ARHGAP6: variants seen among roughly 807,000 people sequenced by gnomAD.
ARHGAP6 encodes the protein rho GTPase-activating protein 6.
In ARHGAP6, 16 loss-of-function variants were observed where a neutral mutation model predicts 55.7. That is an observed-to-expected ratio of 0.29 (90% CI 0.19 to 0.44). ARHGAP6 has a LOEUF of 0.44. Among genes scored for constraint, ARHGAP6 ranks in the 20% least tolerant of loss-of-function variants. The probability of loss-of-function intolerance (pLI) is 1.00; values close to 1 mark genes in which losing one functional copy is unlikely to be tolerated. For missense variants in ARHGAP6, 698 were observed against 808.9 expected (o/e 0.86, Z 1.66); for synonymous variants, 382 against 360.9 (o/e 1.06, Z -0.66).
rs189326943 is a variant in ARHGAP6 at position 11,606,781 on chromosome X, C to A, written c.588+57460G>T. ...GTTTAGACATTGTTTAATTTAGGTA[C>A]CACTTTCACTTTTGAATGAAACCTA... On this transcript the variant is annotated intron_variant, in intron 1 of 12. Coordinates refer to ENST00000337414, the MANE Select transcript of ARHGAP6 (RefSeq NM_013427.3). Among the ~76,000 whole-genome samples, 306 of 111,620 alleles carry A rather than the reference C, an allele frequency of 2.7e-3. 2 individuals are homozygous for A. Among genetic ancestry groups the A allele is most frequent in the African/African-American group, 9.6e-3 (294 of 30,755 alleles).
chrX:11,579,019 G>A (rs966657029), intron 1 of ARHGAP6, among the ~76,000 whole-genome samples: 10 of 98,930 alleles, frequency 1.0e-4, no homozygotes, highest in South Asian at 5.2e-4. Flanking sequence ...ATCACACACC[G>A]GGGCCTGTCG....
At chrX:11,195,458 G>C (rs2046519682) in intron 3 of ARHGAP6, among the ~76,000 whole-genome samples, 1 of 111,228 alleles carries the variant, frequency 9.0e-6, no homozygotes, top group East Asian at 2.8e-4. Context: ...CTCAGAGAGT[G>C]GCTAAAGTTT....
intron 1 of ARHGAP6, among the ~76,000 whole-genome samples, chrX:11,292,364 A>G (rs1385810263): frequency 1.8e-5 from 2 of 111,886 alleles, no homozygotes; most frequent in African/African-American, 3.3e-5. Flanking sequence ...TGTTATACCA[A>G]GGTAGAGGGG....
chrX:11,216,915 T>A (rs1335892149), intron 2 of ARHGAP6, among the ~76,000 whole-genome samples: 1 of 110,159 alleles, frequency 9.1e-6, no homozygotes, highest in African/African-American at 3.3e-5. Flanking sequence ...CCTCCCTGTG[T>A]CCATGTGCTC....
chrX:11,259,335 G>C (rs1213974517), intron 1 of ARHGAP6, among the ~76,000 whole-genome samples: 1 of 111,823 alleles, frequency 8.9e-6, no homozygotes, highest in Admixed American at 9.5e-5. Flanking sequence ...CTTTTTTATG[G>C]CTGAATAATA....
chrX:11,584,095 T>A (rs950700510), intron 1 of ARHGAP6, among the ~76,000 whole-genome samples: 4 of 112,215 alleles, frequency 3.6e-5, no homozygotes, highest in Admixed American at 9.5e-5. Context: ...ATTTAAAGTT[T>A]ACTGGAACTA....
intron 1 of ARHGAP6, among the ~76,000 whole-genome samples, chrX:11,574,995 G>C (rs190977715): frequency 8.9e-6 from 1 of 112,125 alleles, no homozygotes; most frequent in African/African-American, 3.2e-5. Context: ...GCAACATTTT[G>C]AAGTAAGCAC....
At chrX:11,354,351 A>ATG (rs1569311689) in intron 1 of ARHGAP6, among the ~76,000 whole-genome samples, 1 of 88,278 alleles carries the variant, frequency 1.1e-5, no homozygotes, top group East Asian at 3.6e-4. Context: ...ATATATATAT[A>ATG]TATATGTTCA....
At chrX:11,481,434 G>A (rs968193392) in intron 1 of ARHGAP6, among the ~76,000 whole-genome samples, 6 of 112,901 alleles carry the variant, frequency 5.3e-5, no homozygotes, top group African/African-American at 1.9e-4. Flanking sequence ...AATGCTGAAA[G>A]TGCTGTGATA....
intron 2 of ARHGAP6, among the ~76,000 whole-genome samples, chrX:11,222,717 A>G (rs2046989383): frequency 8.9e-6 from 1 of 111,920 alleles, no homozygotes; most frequent in Non-Finnish European, 1.9e-5. Context: ...GCTTAAAAAT[A>G]CTTTATTGTG....
chrX:11,257,263 C>T (rs1241622484), intron 1 of ARHGAP6, among the ~76,000 whole-genome samples: 1 of 112,007 alleles, frequency 8.9e-6, no homozygotes, highest in Non-Finnish European at 1.9e-5. Context: ...AATTACATAC[C>T]TATTCTTTAA....
chrX:11,298,667 G>A, intron 1 of ARHGAP6: 1 of 1,210,880 alleles, frequency 8.3e-7, no homozygotes, highest in Non-Finnish European at 1.1e-6. Context: ...TCCCAGTGGT[G>A]CCAGCTCAGC....
chrX:11,364,329 C>G (rs1166492107), intron 1 of ARHGAP6, among the ~76,000 whole-genome samples: 1 of 108,572 alleles, frequency 9.2e-6, no homozygotes, highest in African/African-American at 3.4e-5. Context: ...TATAACAAAC[C>G]TGCACATGTA....
chrX:11,313,411 C>A (rs2094047048), intron 1 of ARHGAP6, among the ~76,000 whole-genome samples: 1 of 112,329 alleles, frequency 8.9e-6, no homozygotes, highest in African/African-American at 3.2e-5. Context: ...TTCAAACACT[C>A]ATGGACAAGG....
chrX:11,644,205 G>A, intron 1 of ARHGAP6, among the ~76,000 whole-genome samples: 1 of 110,959 alleles, frequency 9.0e-6, no homozygotes, highest in East Asian at 2.8e-4. Flanking sequence ...CCAAGCTTCC[G>A]AGAAAAATTT....
In ARHGAP6 at chrX:11,665,690, C is replaced by T. The variant is rs2052750712; in HGVS notation, c.-862G>A. On this transcript the variant is annotated 5_prime_UTR_variant, in exon 1 of 13. Coordinates refer to ENST00000337414, the MANE Select transcript of ARHGAP6 (RefSeq NM_013427.3). Reference sequence around the variant, plus strand: ...TTCCGCCGGAGAGGAACACGCTATTCGCAGCCCAGCCTTGGGCCCAGGGCA... The same window carrying T: ...TTCCGCCGGAGAGGAACACGCTATTTGCAGCCCAGCCTTGGGCCCAGGGCA... 8.9e-6 allele frequency: 1 copy of T among 112,972 alleles called. No homozygotes were observed. Among genetic ancestry groups the T allele is most frequent in the South Asian group, 3.6e-4 (1 of 2,754 alleles). 9.3% of individuals were successfully genotyped at this position (112,972 alleles called of 1,213,427 possible).
chrX:11,383,769 T>C (rs1310966640), intron 1 of ARHGAP6, among the ~76,000 whole-genome samples: 1 of 111,764 alleles, frequency 8.9e-6, no homozygotes, highest in Non-Finnish European at 1.9e-5. Flanking sequence ...CTATAACTTA[T>C]GAAGAAATAA....
intron 1 of ARHGAP6, chrX:11,334,719 G>A: frequency 4.6e-6 from 1 of 219,489 alleles, no homozygotes; most frequent in Admixed American, 5.2e-5. Flanking sequence ...AAACATTAAT[G>A]CTCTGTTCAA....
At chrX:11,365,553 C>G (rs185828272) in intron 1 of ARHGAP6, among the ~76,000 whole-genome samples, 375 of 112,151 alleles carry the variant, frequency 3.3e-3, no homozygotes, top group Non-Finnish European at 5.1e-3. Flanking sequence ...TATTAAGTAA[C>G]GTATATGCCT....
Sources: allele counts gnomAD v4.1 joint callset (sites outside exome capture counted in the v4.1 genomes callset), GRCh38; gene constraint gnomAD v4.1.1; transcripts MANE v1.5; gene names NCBI Gene and HGNC (gene_info 2026-07-23, HGNC 2026-07-21).